TRMT9B: variants seen among roughly 807,000 people sequenced by gnomAD.
TRMT9B encodes probable tRNA methyltransferase 9B.
Under a neutral mutation model 11.5 loss-of-function variants are expected in TRMT9B, and 16 were observed. The observed-to-expected ratio is 1.39, with a 90% CI of 0.94 to 2.11. TRMT9B has a LOEUF of 2.11. Ranked by LOEUF, TRMT9B falls within the 30% of genes most tolerant of loss-of-function variation. The pLI is 0.00. For synonymous variants in TRMT9B, 274 were observed against 192.4 expected, an observed-to-expected ratio of 1.42 and a Z score of -3.51; for missense variants, 941 against 553.8, an observed-to-expected ratio of 1.70 and a Z score of -7.02.
chr8:12,963,486 A>C (rs1431150588), intron 1 of TRMT9B, among the ~76,000 whole-genome samples: 1 of 152,138 alleles, frequency 6.6e-6, no homozygotes, highest in Admixed American at 6.5e-5. Flanking sequence ...ACAGTGGCTC[A>C]TGCCTGTAAT....
At chr8:13,001,750 G>T (rs1809495486) in intron 2 of TRMT9B, among the ~76,000 whole-genome samples, 1 of 152,166 alleles carries the variant, frequency 6.6e-6, no homozygotes. Flanking sequence ...TAGTGTGCTG[G>T]TGTGCATTTT....
chr8:13,019,055 A>C (rs1042599858), intron 4 of TRMT9B, among the ~76,000 whole-genome samples: 2 of 152,184 alleles, frequency 1.3e-5, no homozygotes, highest in Non-Finnish European at 2.9e-5. Context: ...GCCCCTCTGC[A>C]TTCGTCAGTG....
At chr8:13,009,210 T>C (rs1431129016) in intron 3 of TRMT9B, among the ~76,000 whole-genome samples, 4 of 151,946 alleles carry the variant, frequency 2.6e-5, no homozygotes, top group South Asian at 2.1e-4. Context: ...GTTGGACTCA[T>C]AGAAGGAGAG....
At chr8:12,973,481 T>C (rs1279162626) in intron 1 of TRMT9B, among the ~76,000 whole-genome samples, 1 of 152,208 alleles carries the variant, frequency 6.6e-6, no homozygotes, top group African/African-American at 2.4e-5. Context: ...AAGCAATCTA[T>C]GGCAGCAGAG....
At chr8:12,961,002 G>A (rs1260511179) in intron 1 of TRMT9B, among the ~76,000 whole-genome samples, 7 of 152,074 alleles carry the variant, frequency 4.6e-5, no homozygotes, top group African/African-American at 7.2e-5. Context: ...TTAGCTGGGC[G>A]TGATGGTGCG....
At chr8:12,976,670 G>C (rs1464346266) in intron 1 of TRMT9B, among the ~76,000 whole-genome samples, 4 of 152,166 alleles carry the variant, frequency 2.6e-5, no homozygotes, top group Admixed American at 2.0e-4. Flanking sequence ...ACTGAAGAGA[G>C]TTTAGTAAAA....
chr8:12,985,547 C>G (rs78617800), intron 1 of TRMT9B, among the ~76,000 whole-genome samples: 9,405 of 152,268 alleles, frequency 0.062, 358 homozygotes, highest in African/African-American at 0.11. Flanking sequence ...GCTTATTCAG[C>G]TCTTATTCTG....
At position 13,021,322 on chromosome 8, in the gene TRMT9B, G is replaced by A. The variant is rs754772745; in HGVS notation, c.643G>A (p.Val215Met). 8.7e-6 allele frequency: 14 copies of A among 1,613,906 alleles called. No homozygotes were observed. The highest frequency in any genetic ancestry group is 5.5e-5 in the South Asian group (5 of 91,084). ...GTGTGGTTCAAAACGGTCCCACAGC[G>A]TGGGCTATGAACCTGCTATGGCAAG... ...EQCGSKRSHS[V>M]GYEPAMARTC... The change falls in exon 5 of 5, where the codon GTG (valine) becomes ATG (methionine). Residue 215 changes from valine (V) to methionine (M), a missense_variant. Transcript: ENST00000524591.
intron 1 of TRMT9B, among the ~76,000 whole-genome samples, chr8:12,968,234 C>G (rs1015452026): frequency 6.6e-6 from 1 of 152,182 alleles, no homozygotes; most frequent in Non-Finnish European, 1.5e-5. Context: ...GACATACATC[C>G]CAAGGGACTA....
intron 3 of TRMT9B, chr8:13,010,137 GAAAA>G (rs77013467): frequency 1.3e-5 from 6 of 464,722 alleles, no homozygotes; most frequent in Non-Finnish European, 1.1e-5. Flanking sequence ...GACCCTATCT[GAAAA>G]AAAAAAAAAA....
At chr8:12,999,642 T>A (rs1809032643) in intron 2 of TRMT9B, among the ~76,000 whole-genome samples, 1 of 152,218 alleles carries the variant, frequency 6.6e-6, no homozygotes, top group African/African-American at 2.4e-5. Flanking sequence ...TGCTAGATAT[T>A]ATGGGCTAAC....
chr8:13,010,138 A>C (rs754741039), intron 3 of TRMT9B: 27,531 of 247,432 alleles, frequency 0.11, 43 homozygotes, highest in Non-Finnish European at 0.16. Context: ...ACCCTATCTG[A>C]AAAAAAAAAA....
At chr8:12,949,623 C>G (rs1329262160) in intron 1 of TRMT9B, among the ~76,000 whole-genome samples, 3 of 152,174 alleles carry the variant, frequency 2.0e-5, no homozygotes, top group Non-Finnish European at 2.9e-5. Flanking sequence ...TAACTCATGT[C>G]ATAGTTCACA....
Position 13,024,136 on chromosome 8 carries a change from C to T in TRMT9B, c.*2092C>T, listed in dbSNP as rs929644901. The T allele has an allele frequency of 6.6e-5, 10 of 152,120 alleles. No individual in the cohort carries two copies. The highest frequency in any genetic ancestry group is 2.1e-4 in the South Asian group (1 of 4,706). 9.4% of individuals were successfully genotyped at this position (152,120 alleles called of 1,614,324 possible). ...TCGGCTCACTGTAAGCTCCGCCTCC[C>T]GGGTTCACGCCATCCTCCTGCCTCA... On this transcript the variant is annotated 3_prime_UTR_variant, in exon 5 of 5. Transcript: ENST00000524591.
intron 1 of TRMT9B, among the ~76,000 whole-genome samples, chr8:12,972,980 A>G (rs1455463947): frequency 6.6e-6 from 1 of 152,118 alleles, no homozygotes; most frequent in Non-Finnish European, 1.5e-5. Context: ...TTAAACACTA[A>G]GCCCCTTTTA....
At chr8:12,960,681 A>G (rs1468579451) in intron 1 of TRMT9B, among the ~76,000 whole-genome samples, 1 of 152,256 alleles carries the variant, frequency 6.6e-6, no homozygotes, top group South Asian at 2.1e-4. Flanking sequence ...CCCTAAATGC[A>G]TATTACTAAG....
rs947306154 is a variant in TRMT9B at position 13,025,841 on chromosome 8, C to T, written c.*3797C>T. On this transcript the variant is annotated 3_prime_UTR_variant, in exon 5 of 5. Coordinates refer to ENST00000524591, the MANE Select transcript of TRMT9B (RefSeq NM_020844.3). ...TTCTCGTTTGCCTTTCTATTTCCTT[C>T]CAAATTCTACATGCCAGTAATTCCT... 6.0e-6 allele frequency: 1 copy of T among 166,830 alleles called. No individual in the cohort carries two copies. Among genetic ancestry groups the T allele is most frequent in the Admixed American group, 6.5e-5 (1 of 15,278 alleles). 10.3% of individuals were successfully genotyped at this position (166,830 alleles called of 1,614,324 possible).
chr8:12,972,074 C>A (rs1366683204), intron 1 of TRMT9B, among the ~76,000 whole-genome samples: 1 of 152,068 alleles, frequency 6.6e-6, no homozygotes, highest in African/African-American at 2.4e-5. Flanking sequence ...GAGGGAAAAC[C>A]CCATCAGTTA....
chr8:13,009,779 T>C (rs1585350218), intron 3 of TRMT9B, among the ~76,000 whole-genome samples: 1 of 152,208 alleles, frequency 6.6e-6, no homozygotes, highest in Non-Finnish European at 1.5e-5. Flanking sequence ...TCTATGCTAA[T>C]AGTGCCATAT....
Sources: allele counts gnomAD v4.1 joint callset (sites outside exome capture counted in the v4.1 genomes callset), GRCh38; gene constraint gnomAD v4.1.1; transcripts MANE v1.5; gene names NCBI Gene and HGNC (gene_info 2026-07-23, HGNC 2026-07-21).